Variants in CMTM8 observed in about 807,000 individuals in gnomAD.
CMTM8 encodes CKLF-like MARVEL transmembrane domain-containing protein 8.
Under a neutral mutation model 18.6 loss-of-function variants are expected in CMTM8, and 12 were observed. That is an observed-to-expected ratio of 0.65 (90% confidence interval 0.41 to 1.05). The LOEUF is 1.05. Among genes scored for constraint, CMTM8 ranks in the 50% least tolerant of loss-of-function variants. The pLI is 0.00. For synonymous variants in CMTM8, 87 were observed against 90.6 expected (o/e 0.96, Z 0.23); for missense variants, 217 against 227.2 (o/e 0.95, Z 0.29).
At chr3:32,254,369 G>T (rs1314008492) in intron 1 of CMTM8, among the ~76,000 whole-genome samples, 1 of 151,826 alleles carries the variant, frequency 6.6e-6, no homozygotes, top group Non-Finnish European at 1.5e-5. Flanking sequence ...ACCTTTCCTT[G>T]TCATCTTGTT....
chr3:32,342,487 T>C (rs994510812), intron 1 of CMTM8, among the ~76,000 whole-genome samples: 5 of 152,180 alleles, frequency 3.3e-5, no homozygotes, highest in Admixed American at 1.3e-4. Context: ...GATTATACCA[T>C]TTAACCAAAC....
At chr3:32,275,444 C>A (rs1213660429) in intron 1 of CMTM8, among the ~76,000 whole-genome samples, 1 of 151,914 alleles carries the variant, frequency 6.6e-6, no homozygotes, top group East Asian at 1.9e-4. Flanking sequence ...TCTAATAATA[C>A]CCACTTCTTA....
chr3:32,343,881 AG>A (rs1696547568), intron 1 of CMTM8, among the ~76,000 whole-genome samples: 1 of 152,036 alleles, frequency 6.6e-6, no homozygotes, highest in Admixed American at 6.6e-5. Flanking sequence ...TTGTATTTTT[AG>A]TAGAGACAGG....
chr3:32,262,101 C>A (rs1311605278), intron 1 of CMTM8, among the ~76,000 whole-genome samples: 1 of 152,152 alleles, frequency 6.6e-6, no homozygotes, highest in Non-Finnish European at 1.5e-5. Context: ...GATCTACTCT[C>A]ATGTCTGCTG....
At chr3:32,347,527 C>G (rs1256747152) in intron 1 of CMTM8, among the ~76,000 whole-genome samples, 1 of 151,224 alleles carries the variant, frequency 6.6e-6, no homozygotes, top group Non-Finnish European at 1.5e-5. Context: ...GCTTTACACA[C>G]AAGTGCTGGG....
At chr3:32,312,097 T>C (rs908658618) in intron 1 of CMTM8, among the ~76,000 whole-genome samples, 11 of 152,168 alleles carry the variant, frequency 7.2e-5, no homozygotes, top group African/African-American at 2.4e-4. Context: ...AGGGTATGGG[T>C]TATGGTATCC....
rs145984638 is a variant in CMTM8, at chr3:32,245,882, C to T, written c.147+6763C>T. Among the ~76,000 whole-genome samples the T allele has an allele frequency of 2.1e-4, 32 of 152,252 alleles. No homozygotes were observed. In the Middle Eastern group the frequency reaches 0.014, roughly 65 times the overall value. ...TGGCGTGATCTTAGCTCACTGCAAC[C>T]TTAGCTCACTGCAACCTCTGACTCT... is the stretch of plus-strand genomic sequence containing the variant. On this transcript the variant is annotated intron_variant, in intron 1 of 3. Transcript: ENST00000307526.
intron 1 of CMTM8, among the ~76,000 whole-genome samples, chr3:32,301,301 T>C (rs943883817): frequency 6.6e-6 from 1 of 152,172 alleles, no homozygotes; most frequent in African/African-American, 2.4e-5. Flanking sequence ...TTACAGAATC[T>C]TTAGCATATG....
At chr3:32,340,756 A>G (rs1252181753) in intron 1 of CMTM8, among the ~76,000 whole-genome samples, 1 of 152,252 alleles carries the variant, frequency 6.6e-6, no homozygotes, top group Non-Finnish European at 1.5e-5. Flanking sequence ...AGTGAGCCGC[A>G]TGTGGCCCTG....
At chr3:32,274,651 T>C (rs772898625) in intron 1 of CMTM8, among the ~76,000 whole-genome samples, 83 of 152,344 alleles carry the variant, frequency 5.4e-4, no homozygotes, top group Non-Finnish European at 1.0e-3. Context: ...ACAGTGTAAC[T>C]ATCATTCTCA....
At chr3:32,321,094 G>C (rs1056988348) in intron 1 of CMTM8, among the ~76,000 whole-genome samples, 1 of 152,036 alleles carries the variant, frequency 6.6e-6, no homozygotes, top group African/African-American at 2.4e-5. Context: ...CTAAAGACAG[G>C]CCCTTTTATT....
At position 32,357,354 on chromosome 3, in the gene CMTM8, T is replaced by C; in HGVS notation, c.148-19T>C. 1.2e-6 allele frequency: 2 copies of C among 1,608,982 alleles called. No individual in the cohort carries two copies. The highest frequency in any genetic ancestry group is 1.7e-6 in the Non-Finnish European group (2 of 1,176,516). On this transcript the variant is annotated intron_variant, in intron 1 of 3. Transcript: ENST00000307526. ...TTCTACTGTCCCCTCCTCTCTCCAC[T>C]GCTTCTACCACTTTACAGGTTCTGG...
chr3:32,363,126 ACAAT>A (rs1230926082), intron 2 of CMTM8, among the ~76,000 whole-genome samples: 10 of 152,248 alleles, frequency 6.6e-5, no homozygotes, highest in African/African-American at 2.2e-4. Flanking sequence ...TAAATTGAGT[ACAAT>A]CAGTTTGATG....
At chr3:32,366,422 C>T (rs1208278059) in intron 2 of CMTM8, among the ~76,000 whole-genome samples, 1 of 152,174 alleles carries the variant, frequency 6.6e-6, no homozygotes, top group Non-Finnish European at 1.5e-5. Context: ...TGCACAAGGC[C>T]CAGGACGTCA....
At chr3:32,352,728 G>T (rs1696735580) in intron 1 of CMTM8, among the ~76,000 whole-genome samples, 1 of 152,174 alleles carries the variant, frequency 6.6e-6, no homozygotes, top group Non-Finnish European at 1.5e-5. Context: ...GTTTTCAGGT[G>T]CTGGCAGTGT....
intron 1 of CMTM8, among the ~76,000 whole-genome samples, chr3:32,296,200 T>G (rs1368762011): frequency 2.0e-5 from 3 of 152,106 alleles, no homozygotes; most frequent in Admixed American, 6.5e-5. Flanking sequence ...CTTGAATTCC[T>G]GAGCTCAAGT....
chr3:32,238,743 G>A lies in CMTM8; in HGVS notation c.-230G>A. 3.6e-6 allele frequency: 1 copy of A among 280,050 alleles called. No homozygotes were observed. Among genetic ancestry groups the A allele is most frequent in the Non-Finnish European group, 6.6e-6 (1 of 151,842 alleles). The allele number at this position is 280,050 out of a possible 1,614,324, so 17.3% of individuals were successfully genotyped here. ...TCGCTCGCTCTCCTCTTCCTCTAGG[G>A]CCCCAGCGCAGCTCGGGAGCCCGCG... On this transcript the variant is annotated 5_prime_UTR_variant, in exon 1 of 4. Transcript: ENST00000307526.
intron 1 of CMTM8, among the ~76,000 whole-genome samples, chr3:32,346,040 C>T (rs1696588947): frequency 1.3e-5 from 2 of 152,110 alleles, no homozygotes; most frequent in Non-Finnish European, 2.9e-5. Context: ...TGTAGTCCCA[C>T]AGGCTTGGGA....
At chr3:32,272,101 T>C (rs1702446936) in intron 1 of CMTM8, among the ~76,000 whole-genome samples, 1 of 152,242 alleles carries the variant, frequency 6.6e-6, no homozygotes, top group Admixed American at 6.5e-5. Context: ...TATAGAATTC[T>C]AACTTGGCAG....
Sources: allele counts gnomAD v4.1 joint callset (sites outside exome capture counted in the v4.1 genomes callset), GRCh38; gene constraint gnomAD v4.1.1; transcripts MANE v1.5; gene names NCBI Gene and HGNC (gene_info 2026-07-23, HGNC 2026-07-21).